The following SCUBE1 variants were observed in gnomAD, a reference collection of about 807,000 sequenced individuals.
The protein encoded by SCUBE1 is signal peptide, CUB and EGF-like domain-containing protein 1.
SCUBE1 carries 59 observed loss-of-function variants against 124.4 expected under a neutral mutation model. The ratio of observed to expected loss-of-function variants is 0.47; its 90% CI spans 0.38 to 0.59. The LOEUF is 0.59. SCUBE1 is among the 20% of genes least tolerant of loss of function. SCUBE1 has a pLI of 0.00. For missense variants in SCUBE1, 1,150 were observed against 1,371.2 expected, an observed-to-expected ratio of 0.84 and a Z score of 2.55; for synonymous variants, 545 against 550.9, an observed-to-expected ratio of 0.99 and a Z score of 0.15.
At chr22:43,250,092 C>G (rs1923381123) in intron 6 of SCUBE1, among the ~76,000 whole-genome samples, 1 of 152,264 alleles carries the variant, frequency 6.6e-6, no homozygotes, top group Admixed American at 6.5e-5. Context: ...CTATCACGAT[C>G]ACCATTTTAC....
At chr22:43,336,561 C>T (rs983527580) in intron 2 of SCUBE1, among the ~76,000 whole-genome samples, 3 of 152,166 alleles carry the variant, frequency 2.0e-5, no homozygotes, top group Non-Finnish European at 4.4e-5. Flanking sequence ...GGGGGCATGG[C>T]CTGAGTTTGA....
At chr22:43,228,687 A>C (rs896078538) in intron 9 of SCUBE1, among the ~76,000 whole-genome samples, 11 of 151,728 alleles carry the variant, frequency 7.2e-5, no homozygotes, top group Non-Finnish European at 1.3e-4. Flanking sequence ...CCCCTTGAGG[A>C]TCCCGAATTG....
At chr22:43,212,700 A>C in intron 16 of SCUBE1, 108 bp from the exon 17 acceptor site, 1 of 1,122,640 alleles carries the variant, frequency 8.9e-7, no homozygotes, top group South Asian at 1.4e-5. Context: ...TGGAAAAGGT[A>C]CTGGGCACCC....
At chr22:43,233,994 A>T (rs531377921) in intron 7 of SCUBE1, among the ~76,000 whole-genome samples, 13 of 152,016 alleles carry the variant, frequency 8.6e-5, no homozygotes, top group African/African-American at 3.1e-4. Context: ...AGGTCACAGC[A>T]CCACACGCAG....
At chr22:43,214,058 A>ACCCCCCCCT in intron 16 of SCUBE1, 32 bp downstream of exon 16, 1 of 214,038 alleles carries the variant, frequency 4.7e-6, no homozygotes, top group Non-Finnish European at 7.4e-6. Flanking sequence ...CCCACCCCCC[A>ACCCCCCCCT]CCCCCACCTC....
chr22:43,298,816 G>T (rs898728076), intron 3 of SCUBE1, among the ~76,000 whole-genome samples: 2 of 149,562 alleles, frequency 1.3e-5, no homozygotes, highest in African/African-American at 4.9e-5. Context: ...ACTTTGGGAG[G>T]CTGAGGCGGG....
intron 19 of SCUBE1, among the ~76,000 whole-genome samples, chr22:43,209,511 C>T (rs1046840459): frequency 1.6e-4 from 24 of 152,354 alleles, no homozygotes; most frequent in African/African-American, 5.8e-4. Flanking sequence ...CCATCCTTCA[C>T]TCCCTAAAGT....
chr22:43,219,476 T>C (rs1921986762), intron 14 of SCUBE1, among the ~76,000 whole-genome samples: 1 of 133,716 alleles, frequency 7.5e-6, no homozygotes, highest in South Asian at 2.2e-4. Flanking sequence ...GACTAAAACA[T>C]TTCCTTTTTT....
chr22:43,245,467 C>T (rs1923172563), intron 6 of SCUBE1, among the ~76,000 whole-genome samples: 1 of 152,128 alleles, frequency 6.6e-6, no homozygotes, highest in African/African-American at 2.4e-5. Flanking sequence ...GGGTGGGGCT[C>T]AAGTGTGGCT....
intron 3 of SCUBE1, among the ~76,000 whole-genome samples, chr22:43,305,200 C>A (rs1055313837): frequency 6.6e-6 from 1 of 152,198 alleles, no homozygotes; most frequent in Non-Finnish European, 1.5e-5. Context: ...ACAGTTCTGT[C>A]CACGCCCAGG....
chr22:43,211,579 C>T lies in SCUBE1; in HGVS notation c.2222-496G>A, dbSNP rs186746299. Among the ~76,000 whole-genome samples the T allele has an allele frequency of 2.0e-5, 3 of 150,678 alleles. No individual in the cohort carries two copies. In the East Asian group the frequency reaches 5.9e-4, roughly 29 times the overall value. On this transcript the variant is annotated intron_variant, in intron 17 of 21. Transcript: ENST00000360835. The surrounding 1 kb of genome is among the most constrained non-coding windows in gnomAD (Gnocchi z 4.5). ...TCACCCAGGCTGGAGTGCAATGGTG[C>T]CATCTCGGCTCACTGCAACCTCCAC...
At chr22:43,324,854 G>A (rs1926671063) in intron 2 of SCUBE1, among the ~76,000 whole-genome samples, 1 of 150,782 alleles carries the variant, frequency 6.6e-6, no homozygotes, top group Admixed American at 6.6e-5. Flanking sequence ...TTGTGTCCCC[G>A]CAAAAAGATA....
intron 4 of SCUBE1, among the ~76,000 whole-genome samples, chr22:43,267,215 T>C (rs1045060573): frequency 1.3e-5 from 2 of 152,038 alleles, no homozygotes; most frequent in Non-Finnish European, 2.9e-5. Flanking sequence ...TTCTTTTCAG[T>C]ATCACGAGTA....
intron 2 of SCUBE1, among the ~76,000 whole-genome samples, chr22:43,332,919 G>A (rs1298375776): frequency 6.6e-6 from 1 of 152,162 alleles, no homozygotes; most frequent in African/African-American, 2.4e-5. Context: ...GACCAGAGAT[G>A]GCTTCCTGGA....
Position 43,227,481 on chromosome 22 carries a change from C to T in SCUBE1, c.1100G>A (p.Ser367Asn). Residue 367 changes from serine to asparagine, a missense_variant, in exon 10 of 22, where the codon AGC (serine) becomes AAC (asparagine). By Grantham distance (46) the Ser-to-Asn change is conservative. Transcript: ENST00000360835. ...CTGGTCACAGCTCCCGTTGCTCATG[C>T]TGCACTCGTCCACATCTGGAAGCAC... ...TTHCGDVDEC[S>N]MSNGSCDQGC... The T allele has an allele frequency of 6.2e-7, 1 of 1,612,600 alleles. No individual in the cohort carries two copies. Among genetic ancestry groups the T allele is most frequent in the Non-Finnish European group, 8.5e-7 (1 of 1,179,820 alleles).
At chr22:43,215,283 C>T (rs11912789) in intron 15 of SCUBE1, among the ~76,000 whole-genome samples, 1,767 of 152,198 alleles carry the variant, frequency 0.012, 36 homozygotes, top group African/African-American at 0.04. Flanking sequence ...ACACAGTGAG[C>T]GCCGAACTAA....
chr22:43,297,675 G>T (rs1436250249), intron 3 of SCUBE1, among the ~76,000 whole-genome samples: 2 of 152,254 alleles, frequency 1.3e-5, no homozygotes, highest in Non-Finnish European at 2.9e-5. Flanking sequence ...CCCGGGAGGT[G>T]TGCTTCTTGG....
intron 3 of SCUBE1, among the ~76,000 whole-genome samples, chr22:43,308,751 C>T (rs575545408): frequency 5.3e-5 from 8 of 152,346 alleles, no homozygotes; most frequent in East Asian, 1.9e-4. Flanking sequence ...GGGAGTCCCC[C>T]GAGGGCCCCT....
chr22:43,237,397 C>T (rs918407891), intron 7 of SCUBE1, among the ~76,000 whole-genome samples: 7 of 152,216 alleles, frequency 4.6e-5, no homozygotes, highest in Non-Finnish European at 1.0e-4. Flanking sequence ...TCTGGCCCTC[C>T]GAAGGCAAAT....
Sources: gnomAD v4.1 joint callset for allele counts (sites outside exome capture counted in the v4.1 genomes callset) on GRCh38, gnomAD v4.1.1 for gene constraint, Gnocchi (gnomAD v3.1) non-coding constraint, MANE v1.5 for transcripts, NCBI Gene and HGNC (gene_info 2026-07-23, HGNC 2026-07-21) for gene names.